The following BBS9 variants were observed in gnomAD, a reference collection of about 807,000 sequenced individuals.
BBS9 encodes the protein protein PTHB1.
In BBS9, 89 loss-of-function variants were observed where a neutral mutation model predicts 117.7. That is an observed-to-expected ratio of 0.76 (90% CI 0.64 to 0.90). The LOEUF (loss-of-function observed/expected upper bound fraction) is 0.90, where lower values mean the gene tolerates loss of function less well. BBS9 is among the 40% of genes least tolerant of loss of function. The pLI is 0.00. For synonymous variants in BBS9, 379 were observed against 370.9 expected, an observed-to-expected ratio of 1.02 and a Z score of -0.25; for missense variants, 982 against 1,042.2, an observed-to-expected ratio of 0.94 and a Z score of 0.80.
At chr7:33,336,721 CT>C (rs1193282573) in intron 10 of BBS9, 99 bp downstream of exon 10, 1 of 861,834 alleles carries the variant, frequency 1.2e-6, no homozygotes, top group Non-Finnish European at 1.8e-6. Context: ...ATTTTCTCCT[CT>C]AGGCTTAATT....
At chr7:33,515,526 T>G (rs1237092677) in intron 20 of BBS9, among the ~76,000 whole-genome samples, 1 of 152,226 alleles carries the variant, frequency 6.6e-6, no homozygotes, top group East Asian at 1.9e-4. Flanking sequence ...AACTTCATTT[T>G]TCCTCCTCAG....
chr7:33,462,896 A>T (rs879459537), intron 19 of BBS9, among the ~76,000 whole-genome samples: 4 of 152,126 alleles, frequency 2.6e-5, no homozygotes, highest in Admixed American at 2.6e-4. Flanking sequence ...ATGGATATTT[A>T]AAGTTAGGAA....
At chr7:33,476,786 TA>T (rs1841863125) in intron 19 of BBS9, among the ~76,000 whole-genome samples, 1 of 152,240 alleles carries the variant, frequency 6.6e-6, no homozygotes, top group Non-Finnish European at 1.5e-5. Context: ...TCTTGTCATA[TA>T]AACCTAAAAG....
At chr7:33,208,074 G>A (rs1353240531) in intron 5 of BBS9, among the ~76,000 whole-genome samples, 2 of 152,258 alleles carry the variant, frequency 1.3e-5, no homozygotes, top group Admixed American at 1.3e-4. Context: ...CTCCCAAAGT[G>A]CTGGGATTAC....
chr7:33,210,616 C>T (rs1787824352), intron 5 of BBS9, among the ~76,000 whole-genome samples: 1 of 152,164 alleles, frequency 6.6e-6, no homozygotes, highest in Admixed American at 6.5e-5. Flanking sequence ...TGGCTCACTG[C>T]AACCTCGCCT....
At position 33,336,462 on chromosome 7, in the gene BBS9, C is replaced by T; in HGVS notation, c.1038C>T (p.Val346=). The part of the protein sequence containing the change: ...GCLHDLKGVI[V]TLSDDGHLQC... ...GTAGTGATTTAAAGGGAGTGATAGTCACTCTGAGTGATGATGGTCACTTGC... is the reference window on the plus strand; with the variant it reads ...GTAGTGATTTAAAGGGAGTGATAGTTACTCTGAGTGATGATGGTCACTTGC... The change falls in exon 10 of 23, where the codon GTC becomes GTT. Residue 346 remains valine, a synonymous_variant. Transcript: ENST00000242067. 6.2e-7 allele frequency: 1 copy of T among 1,613,688 alleles called. No homozygotes were observed. The highest frequency in any genetic ancestry group is 8.5e-7 in the Non-Finnish European group (1 of 1,179,722).
intron 9 of BBS9, among the ~76,000 whole-genome samples, chr7:33,317,434 T>C (rs1027826337): frequency 7.0e-6 from 1 of 143,602 alleles, no homozygotes; most frequent in Non-Finnish European, 1.5e-5. Context: ...CATCTGTAGA[T>C]CACTGGTGAG....
chr7:33,331,581 C>T (rs771651274), intron 9 of BBS9, among the ~76,000 whole-genome samples: 21 of 150,998 alleles, frequency 1.4e-4, no homozygotes, highest in African/African-American at 5.1e-4. Flanking sequence ...AATCAATGTA[C>T]GTAGATCAGT....
In BBS9 at chr7:33,388,061, C is replaced by G; in HGVS notation, c.2032C>G (p.Arg678Gly). ...ERAVQFRAIQ[R>G]RLLARFKDKT... ...AGCTGTACAATTTCGGGCCATTCAA[C>G]GCCGGCTACTAGCAAGATTCAAAGA... Residue 678 changes from arginine (R) to glycine (G), a missense_variant, in exon 19 of 23, where the codon CGC becomes GGC. Arg to Gly is a moderately radical substitution (Grantham distance 125, BLOSUM62 -2). Coordinates refer to ENST00000242067, the MANE Select transcript of BBS9 (RefSeq NM_198428.3). 1.2e-6 allele frequency: 2 copies of G among 1,614,112 alleles called. No homozygotes were observed. The highest frequency in any genetic ancestry group is 1.7e-6 in the Non-Finnish European group (2 of 1,179,992).
At chr7:33,415,106 A>G (rs767217293) in intron 19 of BBS9, among the ~76,000 whole-genome samples, 2 of 152,260 alleles carry the variant, frequency 1.3e-5, no homozygotes, top group East Asian at 1.9e-4. Flanking sequence ...GGAAAAACCA[A>G]TGACCTTCAT....
intron 19 of BBS9, among the ~76,000 whole-genome samples, chr7:33,413,493 C>T (rs947902026): frequency 2.6e-5 from 4 of 152,062 alleles, no homozygotes; most frequent in African/African-American, 7.2e-5. Flanking sequence ...AATGTGCAGG[C>T]GATTCTTTAA....
At chr7:33,538,122 A>G (rs1338375293) in intron 21 of BBS9, among the ~76,000 whole-genome samples, 1 of 152,180 alleles carries the variant, frequency 6.6e-6, no homozygotes, top group Admixed American at 6.5e-5. Flanking sequence ...CATTCTCTTA[A>G]TGTGATCAAA....
rs141356896 is a variant in BBS9 at position 33,430,100 on chromosome 7, T to G, written c.2115+41956T>G. Among the ~76,000 whole-genome samples, 40 of 152,302 alleles carry G rather than the reference T, an allele frequency of 2.6e-4. No individual in the cohort carries two copies. The East Asian group carries it at 6.8e-3, about 26-fold the overall frequency. On this transcript the variant is annotated intron_variant, in intron 19 of 22. Coordinates refer to ENST00000242067, the MANE Select transcript of BBS9 (RefSeq NM_198428.3). Reference sequence around the variant, plus strand: ...GACTACATGCTCAGGCTGGTGGCCATATAAGGTTAGTTCTGTTACCAATAA... The same window carrying G: ...GACTACATGCTCAGGCTGGTGGCCAGATAAGGTTAGTTCTGTTACCAATAA...
At chr7:33,212,731 C>A (rs2128226974) in intron 5 of BBS9, among the ~76,000 whole-genome samples, 1 of 152,322 alleles carries the variant, frequency 6.6e-6, no homozygotes, top group South Asian at 2.1e-4. Context: ...CAGCTCCAAG[C>A]ACAATATCGC....
At chr7:33,148,237 A>G (rs1387709451) in intron 2 of BBS9, among the ~76,000 whole-genome samples, 5 of 152,186 alleles carry the variant, frequency 3.3e-5, no homozygotes, top group Non-Finnish European at 5.9e-5. Flanking sequence ...TTATATTTGG[A>G]GCTCTGAGAA....
intron 9 of BBS9, among the ~76,000 whole-genome samples, chr7:33,325,521 A>G (rs1812648838): frequency 6.6e-6 from 1 of 152,110 alleles, no homozygotes; most frequent in African/African-American, 2.4e-5. Context: ...GTTTTCCTGG[A>G]TAGCCTGGGT....
At chr7:33,270,316 C>G (rs993908903) in intron 7 of BBS9, among the ~76,000 whole-genome samples, 7 of 152,166 alleles carry the variant, frequency 4.6e-5, no homozygotes, top group Non-Finnish European at 1.0e-4. Context: ...TTCCCTTCCT[C>G]TAAATGATCG....
chr7:33,154,685 C>T (rs539221259), intron 3 of BBS9, among the ~76,000 whole-genome samples: 127 of 152,180 alleles, frequency 8.3e-4, no homozygotes, highest in African/African-American at 2.9e-3. Flanking sequence ...AGGCTGGTCT[C>T]GAACTTCTGA....
At chr7:33,498,847 A>G (rs373291808) in intron 19 of BBS9, among the ~76,000 whole-genome samples, 2 of 152,166 alleles carry the variant, frequency 1.3e-5, no homozygotes, top group East Asian at 3.8e-4. Context: ...TTAAATGGAC[A>G]TATATTTTCA....
Sources: gnomAD v4.1 joint callset for allele counts (sites outside exome capture counted in the v4.1 genomes callset) on GRCh38, gnomAD v4.1.1 for gene constraint, MANE v1.5 for transcripts, NCBI Gene and HGNC (gene_info 2026-07-23, HGNC 2026-07-21) for gene names.